HHAT: variants seen among roughly 807,000 people sequenced by gnomAD.
The protein encoded by HHAT is protein-cysteine N-palmitoyltransferase HHAT.
A neutral mutation model predicts 70.8 loss-of-function variants in HHAT; 47 were observed. The observed-to-expected ratio is 0.66, with a 90% confidence interval of 0.53 to 0.85. The LOEUF is 0.85. Among genes scored for constraint, HHAT ranks in the 40% least tolerant of loss-of-function variants. The pLI is 0.00. For synonymous variants in HHAT, 228 were observed against 247.6 expected, an observed-to-expected ratio of 0.92 and a Z score of 0.74; for missense variants, 609 against 604.8, an observed-to-expected ratio of 1.01 and a Z score of -0.07.
At chr1:210,619,141 C>T (rs1668332817) in intron 10 of HHAT, among the ~76,000 whole-genome samples, 1 of 152,186 alleles carries the variant, frequency 6.6e-6, no homozygotes, top group Admixed American at 6.5e-5. Context: ...CCTGCCCTTG[C>T]ACCTGAAGAG....
intron 7 of HHAT, among the ~76,000 whole-genome samples, chr1:210,447,274 G>A (rs1266946267): frequency 6.6e-6 from 1 of 152,182 alleles, no homozygotes; most frequent in Non-Finnish European, 1.5e-5. Flanking sequence ...CAAGCTGTCT[G>A]TAAGCTTTTC....
chr1:210,439,937 G>A (rs891958410), intron 7 of HHAT, among the ~76,000 whole-genome samples: 1 of 151,906 alleles, frequency 6.6e-6, no homozygotes, highest in Admixed American at 6.5e-5. Context: ...TACCTTGCAA[G>A]GGTGAGAATT....
intron 11 of HHAT, among the ~76,000 whole-genome samples, chr1:210,626,755 A>T (rs181155526): frequency 6.6e-6 from 1 of 152,182 alleles, no homozygotes; most frequent in South Asian, 2.1e-4. Context: ...AAAAAAAATA[A>T]TGAGTCTATA....
chr1:210,554,433 C>G (rs6685262), intron 9 of HHAT, among the ~76,000 whole-genome samples: 27,911 of 152,052 alleles, frequency 0.18, 2,973 homozygotes, highest in Middle Eastern at 0.27. Flanking sequence ...CTGGTCAGAG[C>G]TCAGTGCAGG....
At chr1:210,355,384 C>T (rs115207590) in intron 2 of HHAT, among the ~76,000 whole-genome samples, 3,676 of 152,290 alleles carry the variant, frequency 0.024, 64 homozygotes, top group Non-Finnish European at 0.039. Context: ...ACAAGCTTTA[C>T]TTACTTGTTT....
chr1:210,400,572 C>T lies in HHAT; in HGVS notation c.378C>T (p.Cys126=), dbSNP rs572101901. Residue 126 remains cysteine (C), a synonymous_variant, in exon 5 of 12, where the codon TGC becomes TGT. Transcript: ENST00000261458. ...MVLLHTTISF[C]VAQFRSQLLT... Reference sequence around the variant, plus strand: ...TGCTCCATACCACCATCTCTTTCTGCGTGGCCCAGTTCCGGTCTCAGCTCC... The same window carrying T: ...TGCTCCATACCACCATCTCTTTCTGTGTGGCCCAGTTCCGGTCTCAGCTCC... The T allele has an allele frequency of 2.8e-5, 46 of 1,614,106 alleles. No individual in the cohort carries two copies. Among genetic ancestry groups the T allele is most frequent in the Admixed American group, 1.2e-4 (7 of 60,018 alleles).
intron 9 of HHAT, among the ~76,000 whole-genome samples, chr1:210,572,944 G>C (rs1573426681): frequency 6.6e-6 from 1 of 152,222 alleles, no homozygotes; most frequent in East Asian, 1.9e-4. Flanking sequence ...TTTAATTTTG[G>C]TTAAAAGACC....
chr1:210,362,503 G>C (rs1402713412), intron 2 of HHAT, among the ~76,000 whole-genome samples: 3 of 152,210 alleles, frequency 2.0e-5, no homozygotes, highest in African/African-American at 7.2e-5. Context: ...GGGATTACAG[G>C]CGTGAGCCAC....
In HHAT at chr1:210,630,771, G is replaced by A. The variant is rs1159515901; in HGVS notation, c.1390+7101G>A. 2.6e-5 allele frequency among the ~76,000 whole-genome samples: 4 copies of A among 152,270 alleles called. No individual in the cohort carries two copies. In the East Asian group the frequency reaches 7.7e-4, roughly 29 times the overall value. ...GTGATACAATTCCAGAGCTTTTGCT[G>A]GAACTATTGGGAAGCAGAAGCAATC... is the stretch of plus-strand genomic sequence containing the variant. On this transcript the variant is annotated intron_variant, in intron 11 of 11. Transcript: ENST00000261458.
rs186101650 is a variant in HHAT, at chr1:210,537,264, C to T, written c.1043+24076C>T. The stretch of plus-strand genomic sequence containing the variant: ...CTGAAAATGCTGTCAGTGGCTTGTG[C>T]ATGCTGTGCTACGAAGTCCCTCACC... On this transcript the variant is annotated intron_variant, in intron 9 of 11. Transcript: ENST00000261458. Among the ~76,000 whole-genome samples, 589 of 152,308 alleles carry T rather than the reference C, an allele frequency of 3.9e-3. 2 individuals carry two copies. The highest frequency in any genetic ancestry group is 6.7e-3 in the Non-Finnish European group (457 of 68,034).
intron 11 of HHAT, among the ~76,000 whole-genome samples, chr1:210,657,710 C>A (rs1676734985): frequency 1.3e-5 from 2 of 152,226 alleles, no homozygotes; most frequent in African/African-American, 4.8e-5. Flanking sequence ...CTTTCCCTTT[C>A]AGCTCTTTAT....
chr1:210,502,257 G>A (rs542281171), intron 8 of HHAT, among the ~76,000 whole-genome samples: 15 of 151,258 alleles, frequency 9.9e-5, no homozygotes, highest in African/African-American at 3.4e-4. Context: ...GGTGGTGGGC[G>A]CCTGTAGTCC....
intron 9 of HHAT, among the ~76,000 whole-genome samples, chr1:210,520,931 T>C (rs979076653): frequency 1.3e-5 from 2 of 152,180 alleles, no homozygotes; most frequent in South Asian, 2.1e-4. Flanking sequence ...TGTCTTGATA[T>C]CCTCTCAGGA....
intron 2 of HHAT, among the ~76,000 whole-genome samples, chr1:210,352,540 C>A (rs1000369674): frequency 6.6e-5 from 10 of 152,070 alleles, no homozygotes; most frequent in African/African-American, 2.4e-4. Flanking sequence ...CTAGAGGCTC[C>A]AAGTGTATTT....
chr1:210,567,473 G>A (rs1226666772), intron 9 of HHAT, among the ~76,000 whole-genome samples: 1 of 152,128 alleles, frequency 6.6e-6, no homozygotes, highest in Non-Finnish European at 1.5e-5. Flanking sequence ...GCAGTACCTG[G>A]TTCACAGTGA....
At chr1:210,515,308 A>G (rs1166484644) in intron 9 of HHAT, among the ~76,000 whole-genome samples, 2 of 151,990 alleles carry the variant, frequency 1.3e-5, no homozygotes, top group East Asian at 3.9e-4. Context: ...CAACTTAATG[A>G]CTCCAAGGAG....
chr1:210,329,340 A>G lies in HHAT; in HGVS notation c.-44+236A>G, dbSNP rs966338477. On this transcript the variant is annotated intron_variant, in intron 1 of 11. Coordinates refer to ENST00000261458, the MANE Select transcript of HHAT (RefSeq NM_018194.6). ...AGGCGGGGATCTAGGCGCCGGGACA[A>G]GTCCGCGCACGGCCCTGCCCACGTC... 9 of 1,206,534 alleles carry G rather than the reference A, an allele frequency of 7.5e-6. No homozygotes were observed. The African/African-American group carries it at 1.4e-4, about 19-fold the overall frequency. The allele number at this position is 1,206,534 out of a possible 1,614,324, so 74.7% of individuals were successfully genotyped here. A position where few individuals can be genotyped will look rare whatever the true frequency, so the allele number is the denominator to read the frequency against.
rs759223894 is a variant in HHAT, at chr1:210,584,548, G to C, written c.1044-3350G>C. 4.6e-5 allele frequency among the ~76,000 whole-genome samples: 7 copies of C among 152,010 alleles called. No homozygotes were observed. In the South Asian group the frequency reaches 1.2e-3, roughly 27 times the overall value. On this transcript the variant is annotated intron_variant, in intron 9 of 11. Coordinates refer to ENST00000261458, the MANE Select transcript of HHAT (RefSeq NM_018194.6). ...CTACACCAATGACCAAGCAGCCTCT[G>C]GGGGGCAGCAGAACACCGGATAAGA...
chr1:210,606,542 ATCC>A (rs1665483555), intron 10 of HHAT, among the ~76,000 whole-genome samples: 1 of 152,084 alleles, frequency 6.6e-6, no homozygotes, highest in Non-Finnish European at 1.5e-5. Context: ...AAGCCCTTCC[ATCC>A]TCTTTTCCTA....
Sources: allele counts gnomAD v4.1 joint callset (sites outside exome capture counted in the v4.1 genomes callset), GRCh38; gene constraint gnomAD v4.1.1; transcripts MANE v1.5; gene names NCBI Gene and HGNC (gene_info 2026-07-23, HGNC 2026-07-21).